The following CARMIL1 variants were observed in gnomAD, a reference collection of about 807,000 sequenced individuals.
CARMIL1 encodes F-actin-uncapping protein LRRC16A.
Under a neutral mutation model 177.1 loss-of-function variants are expected in CARMIL1, and 90 were observed. The ratio of observed to expected loss-of-function variants is 0.51; its 90% CI spans 0.43 to 0.61. The LOEUF is 0.61. Ranked by LOEUF, CARMIL1 falls within the 20% of genes least tolerant of loss-of-function variation. The pLI is 0.00. For missense variants in CARMIL1, 1,380 were observed against 1,667.0 expected (o/e 0.83, Z 3.00); for synonymous variants, 577 against 606.2 (o/e 0.95, Z 0.71).
At chr6:25,387,390 A>C (rs1792291470) in intron 2 of CARMIL1, among the ~76,000 whole-genome samples, 1 of 152,246 alleles carries the variant, frequency 6.6e-6, no homozygotes, top group African/African-American at 2.4e-5. Flanking sequence ...AAGTCAATGA[A>C]TAAGTGAATA....
chr6:25,591,878 C>A (rs1413328307), intron 31 of CARMIL1, among the ~76,000 whole-genome samples: 1 of 152,136 alleles, frequency 6.6e-6, no homozygotes, highest in Non-Finnish European at 1.5e-5. Context: ...GGCTGTCCTG[C>A]AGGAAAGCAA....
At position 25,562,398 on chromosome 6, in the gene CARMIL1, C is replaced by A. The variant is rs921036542; in HGVS notation, c.2742+5548C>A. Reference sequence around the variant, plus strand: ...GAGTAGCTGGGATTACAGGCGCCTGCCACCGCGCCTGGCTAATTTTTGTAT... The same window carrying A: ...GAGTAGCTGGGATTACAGGCGCCTGACACCGCGCCTGGCTAATTTTTGTAT... On this transcript the variant is annotated intron_variant, in intron 29 of 36. Transcript: ENST00000329474. Among the ~76,000 whole-genome samples the A allele has an allele frequency of 3.3e-5, 5 of 152,230 alleles. 1 individual carries two copies. In the South Asian group the frequency reaches 1.0e-3, roughly 32 times the overall value.
intron 1 of CARMIL1, among the ~76,000 whole-genome samples, chr6:25,281,127 T>TGTGCGCGC (rs142017993): frequency 0.037 from 4,677 of 126,846 alleles, 145 homozygotes; most frequent in Non-Finnish European, 0.049. Context: ...CACGCGCGTG[T>TGTGCGCGC]GCGCGCGCGC....
intron 2 of CARMIL1, among the ~76,000 whole-genome samples, chr6:25,405,438 G>T (rs1392278982): frequency 6.6e-6 from 1 of 152,144 alleles, no homozygotes; most frequent in African/African-American, 2.4e-5. Context: ...CTGTAGTCCT[G>T]TTGGCACAAT....
rs1805213291 is a variant in CARMIL1, at chr6:25,509,046, A to G, written c.1396-610A>G. On this transcript the variant is annotated intron_variant, in intron 17 of 36. Transcript: ENST00000329474. The surrounding 1 kb of genome is among the most constrained non-coding windows in gnomAD (Gnocchi z 4.1). Reference sequence around the variant, plus strand: ...AGTTTTGCTCTAAAACAATCATGATAATAATATTTTATATTAATTTAACAT... The same window carrying G: ...AGTTTTGCTCTAAAACAATCATGATGATAATATTTTATATTAATTTAACAT... 6.6e-6 allele frequency among the ~76,000 whole-genome samples: 1 copy of G among 152,166 alleles called. No individual in the cohort carries two copies. The highest frequency in any genetic ancestry group is 2.4e-5 in the African/African-American group (1 of 41,446).
At chr6:25,521,649 G>T (rs1806571185) in intron 23 of CARMIL1, among the ~76,000 whole-genome samples, 1 of 151,820 alleles carries the variant, frequency 6.6e-6, no homozygotes, top group African/African-American at 2.4e-5. Flanking sequence ...GGCGCCTGTA[G>T]TCCCAGCTAC....
intron 2 of CARMIL1, among the ~76,000 whole-genome samples, chr6:25,369,552 C>T (rs1581708094): frequency 6.6e-6 from 1 of 152,108 alleles, no homozygotes; most frequent in Non-Finnish European, 1.5e-5. Flanking sequence ...CCATCTGCCA[C>T]CTCTCACCAC....
chr6:25,528,264 G>C (rs1807368559), intron 23 of CARMIL1, among the ~76,000 whole-genome samples: 1 of 152,026 alleles, frequency 6.6e-6, no homozygotes. Context: ...ATATATCTTT[G>C]AGTTGTACCA....
chr6:25,451,991 C>CA lies in CARMIL1; in HGVS notation c.614+1280_614+1281insA. The stretch of plus-strand genomic sequence containing the variant: ...CATCTCATCACTAGCATCTTGCCCC[C>CA]CCCTCCCCCCCCCAGAATACTGTTT... On this transcript the variant is annotated intron_variant, in intron 8 of 36. Coordinates refer to ENST00000329474, the MANE Select transcript of CARMIL1 (RefSeq NM_017640.6). 3.2e-5 allele frequency: 2 copies of CA among 62,288 alleles called. 1 individual carries two copies. Among genetic ancestry groups the CA allele is most frequent in the South Asian group, 6.7e-4 (2 of 3,004 alleles). The allele number at this position is 62,288 out of a possible 1,614,324, so 3.9% of individuals were successfully genotyped here.
chr6:25,358,371 C>T lies in CARMIL1; in HGVS notation c.139-61743C>T, dbSNP rs1001007762. ...TAGGAGAGGTATTACTTGAATGTGA[C>T]GCATAAAAAGTATATAAGTAGACAG... On this transcript the variant is annotated intron_variant, in intron 2 of 36. Transcript: ENST00000329474. Among the ~76,000 whole-genome samples, 11 of 151,846 alleles carry T rather than the reference C, an allele frequency of 7.2e-5. No individual in the cohort carries two copies. In the South Asian group the frequency reaches 8.3e-4, roughly 12 times the overall value.
chr6:25,526,926 C>T (rs1365337960), intron 23 of CARMIL1, among the ~76,000 whole-genome samples: 1 of 152,014 alleles, frequency 6.6e-6, no homozygotes, highest in Non-Finnish European at 1.5e-5. Context: ...TTTTTGTCTT[C>T]TGGAAAAAAT....
intron 17 of CARMIL1, among the ~76,000 whole-genome samples, chr6:25,500,724 A>G (rs1804224314): frequency 6.6e-6 from 1 of 152,084 alleles, no homozygotes; most frequent in African/African-American, 2.4e-5. Flanking sequence ...CCTATCAAAG[A>G]GCTCATAAGA....
chr6:25,481,937 A>G (rs1802155311), intron 11 of CARMIL1, among the ~76,000 whole-genome samples: 1 of 152,242 alleles, frequency 6.6e-6, no homozygotes, highest in Admixed American at 6.5e-5. Flanking sequence ...AGGGGTTAAC[A>G]ATTATCCTTT....
At position 25,591,724 on chromosome 6, in the gene CARMIL1, C is replaced by G. The variant is rs146423327; in HGVS notation, c.3007-2691C>G. ...TGCCACCTCCTGCTTCCTATTTTAA[C>G]AGATGCATTTTAAACCATGTCTCAT... On this transcript the variant is annotated intron_variant, in intron 31 of 36. Transcript: ENST00000329474. 7.2e-5 allele frequency among the ~76,000 whole-genome samples: 11 copies of G among 152,344 alleles called. No individual in the cohort carries two copies. The East Asian group carries it at 1.9e-3, about 27-fold the overall frequency.
chr6:25,367,951 G>C (rs777437119), intron 2 of CARMIL1, among the ~76,000 whole-genome samples: 1 of 152,168 alleles, frequency 6.6e-6, no homozygotes, highest in Admixed American at 6.5e-5. Flanking sequence ...GTAGAAATGA[G>C]GTTTCCCCAT....
At chr6:25,561,154 A>G (rs1490391451) in intron 29 of CARMIL1, among the ~76,000 whole-genome samples, 1 of 152,208 alleles carries the variant, frequency 6.6e-6, no homozygotes, top group African/African-American at 2.4e-5. Context: ...GGAAATCAGT[A>G]TTCTGAACCA....
At chr6:25,365,267 G>C (rs532456719) in intron 2 of CARMIL1, among the ~76,000 whole-genome samples, 2 of 152,146 alleles carry the variant, frequency 1.3e-5, no homozygotes, top group Non-Finnish European at 2.9e-5. Flanking sequence ...AGAGAATAAA[G>C]GTGGAGATTC....
intron 8 of CARMIL1, among the ~76,000 whole-genome samples, chr6:25,461,281 C>T (rs973641872): frequency 6.6e-6 from 1 of 152,196 alleles, no homozygotes; most frequent in Non-Finnish European, 1.5e-5. Context: ...TCTACGACTA[C>T]CTTGCGTGCA....
At chr6:25,446,597 G>A (rs1341757260) in intron 5 of CARMIL1, among the ~76,000 whole-genome samples, 1 of 152,198 alleles carries the variant, frequency 6.6e-6, no homozygotes, top group Non-Finnish European at 1.5e-5. Flanking sequence ...CAGGGATAAA[G>A]TTGTTTCACT....
Sources: gnomAD v4.1 joint callset for allele counts (sites outside exome capture counted in the v4.1 genomes callset) on GRCh38, gnomAD v4.1.1 for gene constraint, Gnocchi (gnomAD v3.1) non-coding constraint, MANE v1.5 for transcripts, NCBI Gene and HGNC (gene_info 2026-07-23, HGNC 2026-07-21) for gene names.